The following SPECC1 variants were observed in gnomAD, a reference collection of about 807,000 sequenced individuals.
The protein encoded by SPECC1 is sperm antigen with calponin homology and coiled-coil domains 1.
SPECC1 carries 62 observed loss-of-function variants against 104.1 expected under a neutral mutation model. The ratio of observed to expected loss-of-function variants is 0.60; its 90% CI spans 0.49 to 0.74. The LOEUF is 0.74. Among genes scored for constraint, SPECC1 ranks in the 30% least tolerant of loss-of-function variants. SPECC1 has a pLI of 0.00. For synonymous variants in SPECC1, 513 were observed against 501.6 expected (o/e 1.02, Z -0.30); for missense variants, 1,306 against 1,310.5 (o/e 1.00, Z 0.05).
At chr17:20,264,082 T>A (rs1426808655) in intron 12 of SPECC1, among the ~76,000 whole-genome samples, 3 of 152,318 alleles carry the variant, frequency 2.0e-5, no homozygotes, top group Non-Finnish European at 4.4e-5. Flanking sequence ...AGACACCTCA[T>A]AGTCTTGTTC....
intron 9 of SPECC1, among the ~76,000 whole-genome samples, chr17:20,250,614 A>G (rs1415028528): frequency 6.6e-6 from 1 of 152,242 alleles, no homozygotes; most frequent in Non-Finnish European, 1.5e-5. Context: ...TCCTTAAAAG[A>G]AATGCCAGGG....
rs1023078666 is a variant in SPECC1, at chr17:20,115,602, T to C, written c.283+5040T>C. ...TAAGTGAATTTATGCCACCCAAGAA[T>C]GGATGAATATTAAGAAATTTTGGAA... On this transcript the variant is annotated intron_variant, in intron 3 of 14. Coordinates refer to ENST00000395527, the MANE Select transcript of SPECC1 (RefSeq NM_001243439.2). Among the ~76,000 whole-genome samples, 3 of 152,156 alleles carry C rather than the reference T, an allele frequency of 2.0e-5. No homozygotes were observed. In the East Asian group the frequency reaches 5.8e-4, roughly 29 times the overall value.
In SPECC1 at chr17:20,254,320, C is replaced by T. The variant is rs3940274; in HGVS notation, c.2680+734C>T. ...GTGAAGCAGCCCTCAAGAAGGGACA[C>T]GTGGGCTTGAGTCTCAGTACTGCTG... On this transcript the variant is annotated intron_variant, in intron 10 of 14. Coordinates refer to ENST00000395527, the MANE Select transcript of SPECC1 (RefSeq NM_001243439.2). Among the ~76,000 whole-genome samples the T allele has an allele frequency of 3.0e-3, 456 of 152,244 alleles. 19 individuals are homozygous for T. In the East Asian group the frequency reaches 0.085, roughly 28 times the overall value.
chr17:20,278,203 C>T (rs575283354), intron 12 of SPECC1, among the ~76,000 whole-genome samples: 6 of 152,202 alleles, frequency 3.9e-5, no homozygotes, highest in Middle Eastern at 3.4e-3. Flanking sequence ...ACCTGAAAAA[C>T]GGGAAGATTA....
In SPECC1 at chr17:20,283,326, G is replaced by A. The variant is rs759646045; in HGVS notation, c.2941-13635G>A. Among the ~76,000 whole-genome samples, 32 of 152,188 alleles carry A rather than the reference G, an allele frequency of 2.1e-4. 1 individual carries two copies. The highest frequency in any genetic ancestry group is 2.6e-4 in the Admixed American group (4 of 15,284). ...CCAGAGATGTGACTTGCCCTTTGCAGCAAATATAAAAGAAGTCACTTCAGG... is the reference window on the plus strand; with the variant it reads ...CCAGAGATGTGACTTGCCCTTTGCAACAAATATAAAAGAAGTCACTTCAGG... On this transcript the variant is annotated intron_variant, in intron 12 of 14. Transcript: ENST00000395527.
Position 20,247,739 on chromosome 17 carries a change from T to C in SPECC1, c.2598+420T>C, listed in dbSNP as rs180978081. ...GTTAGGTTTTTTTGGATTTAACTTA[T>C]TACAAAAAATAATACAGTGAAGATA... On this transcript the variant is annotated intron_variant, in intron 9 of 14. Transcript: ENST00000395527. Among the ~76,000 whole-genome samples, 544 of 152,320 alleles carry C rather than the reference T, an allele frequency of 3.6e-3. 1 individual carries two copies. Among genetic ancestry groups the C allele is most frequent in the African/African-American group, 0.013 (526 of 41,570 alleles).
rs142441778 is a variant in SPECC1 at position 20,205,148 on chromosome 17, G to A, written c.1099G>A (p.Glu367Lys). Residue 367 changes from glutamate to lysine, a missense_variant, in exon 4 of 15, where the codon GAA becomes AAA. By Grantham distance (56) the Glu-to-Lys change is moderately conservative (BLOSUM62 1). This residue lies in a region of SPECC1 where 1,177 missense variants were observed against 1,139.9 expected (regional missense o/e 1.03). Coordinates refer to ENST00000395527, the MANE Select transcript of SPECC1 (RefSeq NM_001243439.2). Reference sequence around the variant, plus strand: ...TGGGAGTTCCCCAAACAGCGTAAGTGAATTGTCCCTGGCTTCCCTCACAGA... The same window carrying A: ...TGGGAGTTCCCCAAACAGCGTAAGTAAATTGTCCCTGGCTTCCCTCACAGA... ...TAGSSPNSVS[E>K]LSLASLTEKI... is the part of the protein sequence containing the mutation. 8.7e-6 allele frequency: 14 copies of A among 1,613,992 alleles called. No individual in the cohort carries two copies. The highest frequency in any genetic ancestry group is 1.2e-5 in the Non-Finnish European group (14 of 1,180,028).
intron 3 of SPECC1, among the ~76,000 whole-genome samples, chr17:20,204,014 T>G (rs1411653622): frequency 6.6e-6 from 1 of 152,164 alleles, no homozygotes; most frequent in Non-Finnish European, 1.5e-5. Context: ...TCCCGTGGTG[T>G]TTAATAGCTT....
rs2042034653 is a variant in SPECC1, at chr17:20,315,912, A to G, written c.*1847A>G. 1 of 232,578 alleles carries G rather than the reference A, an allele frequency of 4.3e-6. No individual in the cohort carries two copies. The highest frequency in any genetic ancestry group is 1.8e-4 in the South Asian group (1 of 5,528). 14.4% of individuals were successfully genotyped at this position (232,578 alleles called of 1,614,324 possible). A position where few individuals can be genotyped will look rare whatever the true frequency, so the allele number is the denominator to read the frequency against. On this transcript the variant is annotated 3_prime_UTR_variant, in exon 15 of 15. Coordinates refer to ENST00000395527, the MANE Select transcript of SPECC1 (RefSeq NM_001243439.2). ...AGTTGGTTAACTTCAGAATGTCTGG[A>G]ATGGGACCAGAGATGCAGTTCACAT...
At chr17:20,188,221 G>GTGATTTTGTATTTCCTTAGGTATCAAAA (rs1567917088) in intron 3 of SPECC1, among the ~76,000 whole-genome samples, 20 of 151,746 alleles carry the variant, frequency 1.3e-4, no homozygotes, top group Non-Finnish European at 2.5e-4. Context: ...CTGAAATAAC[G>GTGATTTTGTATTTCCTTAGGTATCAAAA]TGATTTTGTA....
At chr17:20,237,882 A>T in intron 7 of SPECC1, 2 of 280,182 alleles carry the variant, frequency 7.1e-6, no homozygotes, top group Non-Finnish European at 1.1e-5. Flanking sequence ...AGCTGGGATT[A>T]CAGGCATGTG....
intron 1 of SPECC1, among the ~76,000 whole-genome samples, chr17:20,039,263 G>C (rs2045224179): frequency 6.6e-6 from 1 of 152,146 alleles, no homozygotes; most frequent in Non-Finnish European, 1.5e-5. Flanking sequence ...ATGTCTATTA[G>C]ATCCTGTTGT....
chr17:20,171,997 G>A (rs923537105), intron 3 of SPECC1, among the ~76,000 whole-genome samples: 5 of 152,204 alleles, frequency 3.3e-5, no homozygotes, highest in Admixed American at 2.0e-4. Flanking sequence ...TGCAGGTGTG[G>A]AGTTTAGGGC....
At chr17:20,143,854 T>C (rs2031141288) in intron 3 of SPECC1, among the ~76,000 whole-genome samples, 1 of 152,184 alleles carries the variant, frequency 6.6e-6, no homozygotes, top group African/African-American at 2.4e-5. Context: ...AAGTTGTCTG[T>C]ACCTGCAGCA....
chr17:20,036,953 T>C (rs2045112099), intron 1 of SPECC1, among the ~76,000 whole-genome samples: 1 of 152,232 alleles, frequency 6.6e-6, no homozygotes, highest in Non-Finnish European at 1.5e-5. Context: ...TTGTAGTCTT[T>C]TGTAAGCTTT....
intron 12 of SPECC1, among the ~76,000 whole-genome samples, chr17:20,271,325 G>A (rs1371618505): frequency 2.0e-5 from 3 of 151,966 alleles, no homozygotes; most frequent in Non-Finnish European, 2.9e-5. Context: ...TGAAAGATGA[G>A]GGTTTATTTC....
chr17:20,205,485 T>C lies in SPECC1; in HGVS notation c.1436T>C (p.Phe479Ser), dbSNP rs139404232. 1.9e-5 allele frequency: 30 copies of C among 1,614,042 alleles called. No individual in the cohort carries two copies. The highest frequency in any genetic ancestry group is 2.5e-5 in the Non-Finnish European group (29 of 1,180,014). The change falls in exon 4 of 15, where the codon TTT (phenylalanine) becomes TCT (serine). Residue 479 changes from phenylalanine (F) to serine (S), a missense_variant. By Grantham distance (155) the Phe-to-Ser change is radical. Transcript: ENST00000395527. ...KCTGILEQGR[F>S]EREKLLNIQQ... is the part of the protein sequence containing the mutation. ...ACAGGTATTCTTGAACAGGGCCGCTTTGAAAGAGAGAAGCTACTCAACATT... is the reference window on the plus strand; with the variant it reads ...ACAGGTATTCTTGAACAGGGCCGCTCTGAAAGAGAGAAGCTACTCAACATT...
At chr17:20,115,496 A>AATAAAT (rs1243943499) in intron 3 of SPECC1, among the ~76,000 whole-genome samples, 2 of 152,018 alleles carry the variant, frequency 1.3e-5, no homozygotes, top group African/African-American at 4.8e-5. Context: ...TAAATAAATA[A>AATAAAT]AAATAAAAAA....
rs568357036 is a variant in SPECC1 at position 20,200,686 on chromosome 17, T to A, written c.284-3647T>A. 2.4e-4 allele frequency among the ~76,000 whole-genome samples: 36 copies of A among 152,328 alleles called. No individual in the cohort carries two copies. The South Asian group carries it at 4.6e-3, about 19-fold the overall frequency. ...TCGTAAGCTGTAGGGCTGTTGCTCT[T>A]TACTTTTCCCTGTCAGTACCCACGA... On this transcript the variant is annotated intron_variant, in intron 3 of 14. Transcript: ENST00000395527.
Sources: allele counts gnomAD v4.1 joint callset (sites outside exome capture counted in the v4.1 genomes callset), GRCh38; gene constraint gnomAD v4.1.1; regional missense constraint gnomAD v4.1.1; transcripts MANE v1.5; gene names NCBI Gene and HGNC (gene_info 2026-07-23, HGNC 2026-07-21).